Variants in HDX observed in about 807,000 individuals in gnomAD.
HDX encodes highly divergent homeobox.
In HDX, 19 loss-of-function variants were observed where a neutral mutation model predicts 45.2. The ratio of observed to expected loss-of-function variants is 0.42; its 90% confidence interval spans 0.29 to 0.62. The LOEUF (loss-of-function observed/expected upper bound fraction) is 0.62. HDX is among the 20% of genes least tolerant of loss of function. HDX has a pLI of 0.20. For missense variants in HDX, 532 were observed against 493.9 expected, an observed-to-expected ratio of 1.08 and a Z score of -0.73; for synonymous variants, 188 against 172.8, an observed-to-expected ratio of 1.09 and a Z score of -0.69.
intron 5 of HDX, among the ~76,000 whole-genome samples, chrX:84,422,769 C>T (rs1224604128): frequency 5.0e-5 from 5 of 99,576 alleles, no homozygotes; most frequent in East Asian, 3.3e-4. Flanking sequence ...CCTGGGTTCA[C>T]GCCATTCTCC....
chrX:84,323,176 G>A (rs963405964), intron 10 of HDX, among the ~76,000 whole-genome samples: 1 of 111,001 alleles, frequency 9.0e-6, no homozygotes, highest in Non-Finnish European at 1.9e-5. Flanking sequence ...CAGACTAGCT[G>A]TTATTATTTA....
chrX:84,463,981 T>G (rs1385533047), intron 4 of HDX, among the ~76,000 whole-genome samples: 3 of 111,639 alleles, frequency 2.7e-5, no homozygotes, highest in African/African-American at 9.8e-5. Flanking sequence ...TCTAGATAGT[T>G]TGATACTATA....
At chrX:84,390,556 C>T (rs1251748275) in intron 5 of HDX, among the ~76,000 whole-genome samples, 2 of 111,573 alleles carry the variant, frequency 1.8e-5, no homozygotes, top group Non-Finnish European at 3.8e-5. Context: ...ATAACACAAG[C>T]GGCTCATAGA....
At chrX:84,323,285 A>G (rs1285792137) in intron 10 of HDX, among the ~76,000 whole-genome samples, 2 of 111,257 alleles carry the variant, frequency 1.8e-5, no homozygotes, top group Non-Finnish European at 3.8e-5. Flanking sequence ...AAGTGGCTAG[A>G]TTGCAGTAAT....
chrX:84,499,793 G>A (rs1275852261), intron 1 of HDX, among the ~76,000 whole-genome samples: 3 of 111,418 alleles, frequency 2.7e-5, no homozygotes, highest in Non-Finnish European at 5.7e-5. Flanking sequence ...AGTAAAACGA[G>A]CTCTGCAGAA....
chrX:84,339,832 A>T (rs1057450930), intron 7 of HDX, among the ~76,000 whole-genome samples: 1 of 111,646 alleles, frequency 9.0e-6, no homozygotes, highest in Non-Finnish European at 1.9e-5. Context: ...AATGACATAG[A>T]TGTTAATTGT....
At chrX:84,465,593 T>C (rs2040335480) in intron 4 of HDX, among the ~76,000 whole-genome samples, 1 of 111,812 alleles carries the variant, frequency 8.9e-6, no homozygotes, top group Admixed American at 9.4e-5. Context: ...CACTGCATGT[T>C]CTCACTCTTA....
intron 2 of HDX, among the ~76,000 whole-genome samples, chrX:84,486,719 C>T (rs1486699167): frequency 9.1e-6 from 1 of 109,948 alleles, no homozygotes; most frequent in Non-Finnish European, 1.9e-5. Flanking sequence ...CATTCATACC[C>T]TTGTTTTCCT....
At chrX:84,362,575 T>C (rs2037647477) in intron 5 of HDX, among the ~76,000 whole-genome samples, 1 of 109,325 alleles carries the variant, frequency 9.1e-6, no homozygotes, top group Admixed American at 1.0e-4. Context: ...GAGAAAAAAA[T>C]GAGAGAGACA....
At chrX:84,438,718 A>G (rs2039693010) in intron 5 of HDX, among the ~76,000 whole-genome samples, 1 of 111,528 alleles carries the variant, frequency 9.0e-6, no homozygotes, top group African/African-American at 3.3e-5. Flanking sequence ...TGCAAAGGAC[A>G]TGATTTTATT....
At chrX:84,420,010 G>T (rs4828268) in intron 5 of HDX, among the ~76,000 whole-genome samples, 7,988 of 110,897 alleles carry the variant, frequency 0.072, 437 homozygotes, top group East Asian at 0.42. Flanking sequence ...CACCCAAGTC[G>T]TTTAAAATAT....
At chrX:84,435,649 T>G (rs746390659) in intron 5 of HDX, among the ~76,000 whole-genome samples, 1,216 of 105,442 alleles carry the variant, frequency 0.012, 17 homozygotes, top group African/African-American at 0.041. Flanking sequence ...GCCTATGTCC[T>G]GAATGGTAAT....
At chrX:84,413,008 T>C (rs1298958076) in intron 5 of HDX, among the ~76,000 whole-genome samples, 1 of 111,862 alleles carries the variant, frequency 8.9e-6, no homozygotes, top group Admixed American at 9.5e-5. Flanking sequence ...GTCAGTTTGG[T>C]TCTTTCTTAA....
rs896551276 is a variant in HDX at position 84,321,287 on chromosome X, G to C, written c.*602C>G. On this transcript the variant is annotated 3_prime_UTR_variant, in exon 11 of 11. Coordinates refer to ENST00000373177, the MANE Select transcript of HDX (RefSeq NM_001177479.2). ...TTCCCCACCCCCACACAAATATTTG[G>C]GTTAGATAATAGAAGAACACCAGCA... 4 of 110,405 alleles carry C rather than the reference G, an allele frequency of 3.6e-5. No homozygotes were observed. Among genetic ancestry groups the C allele is most frequent in the Non-Finnish European group, 7.6e-5 (4 of 52,375 alleles). 9.1% of individuals were successfully genotyped at this position (110,405 alleles called of 1,213,427 possible). A position where few individuals can be genotyped will look rare whatever the true frequency, so the allele number is the denominator to read the frequency against.
intron 4 of HDX, among the ~76,000 whole-genome samples, chrX:84,467,637 A>G (rs2040377812): frequency 9.1e-6 from 1 of 109,302 alleles, no homozygotes; most frequent in Non-Finnish European, 1.9e-5. Context: ...AAAAAAAAAA[A>G]AAGGAAAAGA....
At chrX:84,383,683 T>C (rs111247934) in intron 5 of HDX, among the ~76,000 whole-genome samples, 27,080 of 110,173 alleles carry the variant, frequency 0.25, 2,553 homozygotes, top group Non-Finnish European at 0.3. Flanking sequence ...AATATGCAGT[T>C]TTTCAATCTT....
At chrX:84,497,468 C>T (rs1274765912) in intron 1 of HDX, among the ~76,000 whole-genome samples, 1 of 111,198 alleles carries the variant, frequency 9.0e-6, no homozygotes, top group Non-Finnish European at 1.9e-5. Context: ...TCATGAAGTG[C>T]TTTCAACATT....
At chrX:84,418,094 C>T (rs1406491760) in intron 5 of HDX, among the ~76,000 whole-genome samples, 1 of 111,750 alleles carries the variant, frequency 8.9e-6, no homozygotes, top group Non-Finnish European at 1.9e-5. Flanking sequence ...GCTAGGTTGA[C>T]CGGTGAAGGT....
In HDX at chrX:84,320,340, T is replaced by C. The variant is rs897715742; in HGVS notation, c.*1549A>G. 11 of 110,637 alleles carry C rather than the reference T, an allele frequency of 9.9e-5. No homozygotes were observed. Among genetic ancestry groups the C allele is most frequent in the African/African-American group, 1.6e-4 (5 of 30,606 alleles). 9.1% of individuals were successfully genotyped at this position (110,637 alleles called of 1,213,427 possible). A position where few individuals can be genotyped will look rare whatever the true frequency, so the allele number is the denominator to read the frequency against. On this transcript the variant is annotated 3_prime_UTR_variant, in exon 11 of 11. Coordinates refer to ENST00000373177, the MANE Select transcript of HDX (RefSeq NM_001177479.2). ...GACCATATCAGTAGTATGGCAGCAATATAAACAAATAAGTGACAAAATGAA... is the reference window on the plus strand; with the variant it reads ...GACCATATCAGTAGTATGGCAGCAACATAAACAAATAAGTGACAAAATGAA...
Sources: allele counts gnomAD v4.1 joint callset (sites outside exome capture counted in the v4.1 genomes callset), GRCh38; gene constraint gnomAD v4.1.1; transcripts MANE v1.5; gene names NCBI Gene and HGNC (gene_info 2026-07-23, HGNC 2026-07-21).